KPNA2: variants seen among roughly 807,000 people sequenced by gnomAD.
KPNA2 encodes the protein karyopherin subunit alpha 2, also known as importin subunit alpha-1.
Under a neutral mutation model 53.7 loss-of-function variants are expected in KPNA2, and 20 were observed. The ratio of observed to expected loss-of-function variants is 0.37; its 90% CI spans 0.26 to 0.54. KPNA2 has a LOEUF of 0.54. Among genes scored for constraint, KPNA2 ranks in the 20% least tolerant of loss-of-function variants. The pLI, the probability that KPNA2 is intolerant of heterozygous loss-of-function variation, is 0.83. For missense variants in KPNA2, 515 were observed against 640.3 expected, an observed-to-expected ratio of 0.80 and a Z score of 2.11; for synonymous variants, 238 against 227.5, an observed-to-expected ratio of 1.05 and a Z score of -0.42.
rs782320856 is a variant in KPNA2 at position 68,037,292 on chromosome 17, A to G, written c.76-66A>G. 4.8e-5 allele frequency: 76 copies of G among 1,583,806 alleles called. 1 individual carries two copies. The East Asian group carries it at 1.6e-3, about 34-fold the overall frequency. On this transcript the variant is annotated intron_variant, in intron 2 of 10. Transcript: ENST00000330459. ...GGTGAAAACTGAGGTATTTAAAAAAAAAATGCCCTCACTTAGCAACAAAAA... is the reference window on the plus strand; with the variant it reads ...GGTGAAAACTGAGGTATTTAAAAAAGAAATGCCCTCACTTAGCAACAAAAA...
chr17:68,037,589 C>A, intron 3 of KPNA2, 94 bp downstream of exon 3: 1 of 1,233,034 alleles, frequency 8.1e-7, no homozygotes, highest in Non-Finnish European at 1.2e-6. Flanking sequence ...CATTTCTAGT[C>A]TTAACGGTTT....
At chr17:68,036,726 A>G (rs569091602) in intron 1 of KPNA2, among the ~76,000 whole-genome samples, 1 of 152,384 alleles carries the variant, frequency 6.6e-6, no homozygotes, top group South Asian at 2.1e-4. Flanking sequence ...AAAAGAATGT[A>G]GAAGATGTCA....
chr17:68,046,046 G>A (rs1433283796), intron 10 of KPNA2, 125 bp downstream of exon 10: 12 of 586,822 alleles, frequency 2.0e-5, no homozygotes, highest in Non-Finnish European at 3.4e-5. Context: ...CAGTGTGCAT[G>A]GGACATAATG....
intron 3 of KPNA2, among the ~76,000 whole-genome samples, 175 bp from the exon 4 acceptor site, chr17:68,040,503 C>T (rs1313981260): frequency 6.6e-6 from 1 of 152,162 alleles, no homozygotes; most frequent in Non-Finnish European, 1.5e-5. Context: ...AGTTTGGAAA[C>T]TGTTCTACAT....
intron 5 of KPNA2, among the ~76,000 whole-genome samples, chr17:68,042,583 T>C (rs1223422192): frequency 6.6e-6 from 1 of 152,098 alleles, no homozygotes; most frequent in African/African-American, 2.4e-5. Flanking sequence ...GACAAGGTAA[T>C]AAAATTAATC....
chr17:68,037,238 G>A, intron 2 of KPNA2, 31 bp downstream of exon 2: 3 of 1,590,682 alleles, frequency 1.9e-6, no homozygotes, highest in Non-Finnish European at 2.6e-6. Context: ...TCCTGTGGTG[G>A]TATTTAAATG....
Position 68,044,372 on chromosome 17 carries a change from A to G in KPNA2, c.1216A>G (p.Ser406Gly). 1.2e-6 allele frequency: 2 copies of G among 1,614,138 alleles called. No homozygotes were observed. The highest frequency in any genetic ancestry group is 1.7e-6 in the Non-Finnish European group (2 of 1,179,958). Residue 406 changes from serine to glycine, a missense_variant, in exon 9 of 11, where the codon AGT becomes GGT. Physicochemically the swap from Ser to Gly is moderately conservative, Grantham distance 56. Coordinates refer to ENST00000330459, the MANE Select transcript of KPNA2 (RefSeq NM_002266.4). ...TGTGTGGGCCGTGACCAACTATACCAGTGGTGGAACAGTTGAACAGATTGT... is the reference window on the plus strand; with the variant it reads ...TGTGTGGGCCGTGACCAACTATACCGGTGGTGGAACAGTTGAACAGATTGT... ...EAVWAVTNYTSGGTVEQIVYL... is the reference protein window; with the variant it reads ...EAVWAVTNYTGGGTVEQIVYL...
At chr17:68,040,825 T>TC in intron 4 of KPNA2, 59 bp downstream of exon 4, 6 of 997,304 alleles carry the variant, frequency 6.0e-6, no homozygotes, top group Middle Eastern at 2.2e-4. Context: ...TAGATTTTTT[T>TC]TTGGGGGGTG....
chr17:68,038,816 G>A (rs797042656), intron 3 of KPNA2, among the ~76,000 whole-genome samples: 6 of 152,310 alleles, frequency 3.9e-5, no homozygotes, highest in African/African-American at 1.4e-4. Flanking sequence ...CCAGGAGTTT[G>A]AGCCCAGCCT....
chr17:68,044,374 T>A lies in KPNA2; in HGVS notation c.1218T>A (p.Ser406Arg). Residue 406 changes from serine to arginine, a missense_variant, in exon 9 of 11, where the codon AGT (serine) becomes AGA (arginine). Transcript: ENST00000330459. ...EAVWAVTNYT[S>R]GGTVEQIVYL... ...TGTGGGCCGTGACCAACTATACCAG[T>A]GGTGGAACAGTTGAACAGATTGTGT... 6.2e-7 allele frequency: 1 copy of A among 1,614,068 alleles called. No individual in the cohort carries two copies. The highest frequency in any genetic ancestry group is 8.5e-7 in the Non-Finnish European group (1 of 1,179,912).
chr17:68,041,154 T>C (rs1456217931), intron 4 of KPNA2, among the ~76,000 whole-genome samples: 1 of 152,262 alleles, frequency 6.6e-6, no homozygotes. Context: ...AGGAGATAAG[T>C]ATAATTTGAC....
Position 68,043,174 on chromosome 17 carries a change from T to C in KPNA2, c.741T>C (p.Asp247=), listed in dbSNP as rs782645709. ...ACAAGAATCCTGCACCCCCGATAGA[T>C]GCTGTTGAGCAGATTCTTCCTACCT... ...CRNKNPAPPI[D]AVEQILPTLV... Residue 247 remains aspartate, a synonymous_variant, in exon 7 of 11, where the codon GAT becomes GAC. Transcript: ENST00000330459. The C allele has an allele frequency of 1.2e-5, 19 of 1,614,026 alleles. No homozygotes were observed. In the East Asian group the frequency reaches 3.8e-4, roughly 32 times the overall value.
chr17:68,042,992 C>A lies in KPNA2; in HGVS notation c.659C>A (p.Ser220Tyr), dbSNP rs1383867982. 2 of 1,612,900 alleles carry A rather than the reference C, an allele frequency of 1.2e-6. No homozygotes were observed. Among genetic ancestry groups the A allele is most frequent in the Non-Finnish European group, 8.5e-7 (1 of 1,179,148 alleles). ...LALLAVPDMSSLACGYLRNLT... is the reference protein window; with the variant it reads ...LALLAVPDMSYLACGYLRNLT... ...CTCCTTGCAGTTCCTGATATGTCAT[C>A]TTTAGCAGTAAGTTACTAACATGAG... The change falls in exon 6 of 11, where the codon TCT (serine) becomes TAT (tyrosine). Residue 220 changes from serine (S) to tyrosine (Y), a missense_variant. Transcript: ENST00000330459.
intron 9 of KPNA2, 68 bp downstream of exon 9, chr17:68,044,571 G>C: frequency 1.5e-6 from 2 of 1,309,040 alleles, no homozygotes; most frequent in Middle Eastern, 1.9e-4. Flanking sequence ...ATTTAGACTT[G>C]GGGGAGGGCA....
In KPNA2 at chr17:68,037,634, A is replaced by G. The variant is rs1410167464; in HGVS notation, c.213+139A>G. 3 of 827,622 alleles carry G rather than the reference A, an allele frequency of 3.6e-6. No homozygotes were observed. In the African/African-American group the frequency reaches 5.2e-5, roughly 14 times the overall value. The allele number at this position is 827,622 out of a possible 1,614,324, so 51.3% of individuals were successfully genotyped here. A position where few individuals can be genotyped will look rare whatever the true frequency, so the allele number is the denominator to read the frequency against. ...GTGAACATCTTTTTCTCTGTTTGCA[A>G]TTAGTAATTGTCTTCTTTCCTGCCT... On this transcript the variant is annotated intron_variant, in intron 3 of 10. Coordinates refer to ENST00000330459, the MANE Select transcript of KPNA2 (RefSeq NM_002266.4).
At position 68,037,387 on chromosome 17, in the gene KPNA2, T is replaced by C. The variant is rs1291900027; in HGVS notation, c.105T>C (p.Asn35=). 6.2e-6 allele frequency: 10 copies of C among 1,613,894 alleles called. No individual in the cohort carries two copies. Among genetic ancestry groups the C allele is most frequent in the East Asian group, 4.5e-5 (2 of 44,894 alleles). Residue 35 remains asparagine, a synonymous_variant, in exon 3 of 11, where the codon AAT becomes AAC. Transcript: ENST00000330459. ...TEMRRRRIEV[N]VELRKAKKDD... is the part of the protein sequence containing the mutation. ...TGAGGCGTCGCAGAATAGAGGTCAA[T>C]GTGGAGCTGAGGAAAGCTAAGAAGG...
chr17:68,043,799 G>T, intron 7 of KPNA2, 39 bp from the exon 8 acceptor site: 1 of 1,321,006 alleles, frequency 7.6e-7, no homozygotes, highest in Non-Finnish European at 1.1e-6. Flanking sequence ...AAGTGCTGGG[G>T]AAAAAATAAC....
chr17:68,043,364 G>C lies in KPNA2; in HGVS notation c.930+1G>C. The C allele has an allele frequency of 6.2e-7, 1 of 1,613,836 alleles. No homozygotes were observed. The highest frequency in any genetic ancestry group is 8.5e-7 in the Non-Finnish European group (1 of 1,179,892). ...AGGAGCTTCTGAATTGCCAATTGTGGTAAGTTATTTACTTGTAGATTAGGA... is the reference window on the plus strand; with the variant it reads ...AGGAGCTTCTGAATTGCCAATTGTGCTAAGTTATTTACTTGTAGATTAGGA... On this transcript the variant is annotated splice_donor_variant, in intron 7 of 10. Coordinates refer to ENST00000330459, the MANE Select transcript of KPNA2 (RefSeq NM_002266.4). LOFTEE classifies it high-confidence loss of function.
intron 4 of KPNA2, among the ~76,000 whole-genome samples, chr17:68,041,823 G>A (rs1344357946): frequency 6.6e-6 from 1 of 152,138 alleles, no homozygotes; most frequent in African/African-American, 2.4e-5. Context: ...GACAAGATCT[G>A]GAGTAGATTT....
Sources: allele counts gnomAD v4.1 joint callset (sites outside exome capture counted in the v4.1 genomes callset), GRCh38; gene constraint gnomAD v4.1.1; transcripts MANE v1.5; gene names NCBI Gene and HGNC (gene_info 2026-07-23, HGNC 2026-07-21).